Variants in ZNF595 observed in about 807,000 individuals in gnomAD.
The protein encoded by ZNF595 is zinc finger protein 595.
Under a neutral mutation model 19.4 loss-of-function variants are expected in ZNF595, and 9 were observed. The observed-to-expected ratio is 0.46, with a 90% confidence interval of 0.28 to 0.81. The LOEUF is 0.81. Ranked by LOEUF, ZNF595 falls within the 30% of genes least tolerant of loss-of-function variation. The probability of loss-of-function intolerance (pLI) is 0.11; values close to 1 mark genes in which losing one functional copy is unlikely to be tolerated. For missense variants in ZNF595, 729 were observed against 736.0 expected (o/e 0.99, Z 0.11); for synonymous variants, 255 against 255.9 (o/e 1.00, Z 0.03).
At chr4:85,106 G>T (rs1553800799) in intron 3 of ZNF595, among the ~76,000 whole-genome samples, 1 of 152,164 alleles carries the variant, frequency 6.6e-6, no homozygotes, top group African/African-American at 2.4e-5. Context: ...CATGTTCTAA[G>T]GATGTGTCTT....
chr4:84,529 C>T (rs925965196), intron 3 of ZNF595, among the ~76,000 whole-genome samples: 1 of 152,104 alleles, frequency 6.6e-6, no homozygotes, highest in African/African-American at 2.4e-5. Flanking sequence ...TATCACAATT[C>T]CCTCTTGTCT....
At chr4:75,342 C>T (rs1041200691) in intron 3 of ZNF595, among the ~76,000 whole-genome samples, 1 of 152,226 alleles carries the variant, frequency 6.6e-6, no homozygotes, top group Non-Finnish European at 1.5e-5. Flanking sequence ...GAGAATCATA[C>T]TTCCACATCA....
Position 85,818 on chromosome 4 carries a change from A to G in ZNF595, c.314A>G (p.Lys105Arg), listed in dbSNP as rs1553801003. Residue 105 changes from lysine to arginine, a missense_variant, in exon 4 of 4, where the codon AAA becomes AGA. Lys to Arg is a conservative substitution (Grantham distance 26). Coordinates refer to ENST00000610261, the MANE Select transcript of ZNF595 (RefSeq NM_182524.4). ...FHKLILKRYE[K>R]CGHENLQLRK... ...AAACTTATACTGAAAAGATACGAGA[A>G]ATGTGGACATGAGAATTTACAATTA... 3.1e-6 allele frequency: 5 copies of G among 1,613,982 alleles called. No homozygotes were observed. Among genetic ancestry groups the G allele is most frequent in the Middle Eastern group, 1.7e-4 (1 of 6,060 alleles).
intron 3 of ZNF595, among the ~76,000 whole-genome samples, chr4:80,573 G>A (rs926262539): frequency 8.6e-5 from 13 of 152,024 alleles, no homozygotes; most frequent in East Asian, 1.9e-4. Context: ...GAGAGTCAGC[G>A]AAGGGAGATA....
At chr4:75,682 G>C (rs1713628644) in intron 3 of ZNF595, among the ~76,000 whole-genome samples, 1 of 151,990 alleles carries the variant, frequency 6.6e-6, no homozygotes, top group Non-Finnish European at 1.5e-5. Context: ...CCATTTAGTA[G>C]TTTCTGTTTT....
At chr4:66,238 C>T (rs1341102176) in intron 3 of ZNF595, among the ~76,000 whole-genome samples, 17 of 151,038 alleles carry the variant, frequency 1.1e-4, no homozygotes, top group African/African-American at 3.9e-4. Flanking sequence ...TTTTTCTTTA[C>T]ATTTTTCTAA....
intron 3 of ZNF595, among the ~76,000 whole-genome samples, chr4:69,633 G>A (rs1302000259): frequency 1.3e-5 from 2 of 151,970 alleles, no homozygotes; most frequent in Non-Finnish European, 2.9e-5. Context: ...TACGTATTCT[G>A]GTTGTTCCTT....
chr4:80,004 G>A lies in ZNF595; in HGVS notation c.227-5727G>A, dbSNP rs1400329389. 2.6e-5 allele frequency among the ~76,000 whole-genome samples: 4 copies of A among 152,124 alleles called. No homozygotes were observed. The East Asian group carries it at 7.7e-4, about 29-fold the overall frequency. On this transcript the variant is annotated intron_variant, in intron 3 of 3. Transcript: ENST00000610261. ...TGTGAATGGTGTGGATGCAGAAGCA[G>A]CATTGGGCAAAATTGAATATGTCTT...
chr4:77,504 C>T (rs1480997753), intron 3 of ZNF595, among the ~76,000 whole-genome samples: 9 of 152,070 alleles, frequency 5.9e-5, no homozygotes, highest in Non-Finnish European at 1.3e-4. Context: ...TTTTGATGTC[C>T]TTGCATCTGA....
intron 3 of ZNF595, among the ~76,000 whole-genome samples, chr4:72,220 C>G (rs1713460998): frequency 1.3e-5 from 2 of 152,014 alleles, no homozygotes; most frequent in South Asian, 4.1e-4. Flanking sequence ...TTAAAAAAAT[C>G]TAGTGATGTA....
At chr4:74,124 A>G (rs942505898) in intron 3 of ZNF595, among the ~76,000 whole-genome samples, 1 of 152,078 alleles carries the variant, frequency 6.6e-6, no homozygotes, top group Non-Finnish European at 1.5e-5. Context: ...CCTGGGCAAT[A>G]TGGTGAAATC....
intron 3 of ZNF595, among the ~76,000 whole-genome samples, chr4:81,785 G>A (rs371248123): frequency 1.3e-5 from 2 of 152,078 alleles, no homozygotes; most frequent in Non-Finnish European, 2.9e-5. Context: ...GATTCATACA[G>A]TTTCTCTTCA....
chr4:75,813 G>GTT (rs75823121), intron 3 of ZNF595, among the ~76,000 whole-genome samples: 7 of 131,180 alleles, frequency 5.3e-5, no homozygotes, highest in African/African-American at 1.1e-4. Context: ...TTTTTTGGTT[G>GTT]TTTTTTTTTT....
rs190137427 is a variant in ZNF595, at chr4:82,829, A to T, written c.227-2902A>T. On this transcript the variant is annotated intron_variant, in intron 3 of 3. Coordinates refer to ENST00000610261, the MANE Select transcript of ZNF595 (RefSeq NM_182524.4). The stretch of plus-strand genomic sequence containing the variant: ...AAGGAGAATATTTTATGAGCTATTC[A>T]GATGGGTATGTATTCTGCTTTTGTT... Among the ~76,000 whole-genome samples, 462 of 152,294 alleles carry T rather than the reference A, an allele frequency of 3.0e-3. 3 individuals are homozygous for T. Among genetic ancestry groups the T allele is most frequent in the Non-Finnish European group, 3.1e-3 (208 of 68,004 alleles).
Position 86,547 on chromosome 4 carries a change from C to G in ZNF595, c.1043C>G (p.Ala348Gly). 3 of 1,613,824 alleles carry G rather than the reference C, an allele frequency of 1.9e-6. No homozygotes were observed. Among genetic ancestry groups the G allele is most frequent in the Admixed American group, 1.7e-5 (1 of 59,996 alleles). Residue 348 changes from alanine (A) to glycine (G), a missense_variant, in exon 4 of 4, where the codon GCT (alanine) becomes GGT (glycine). Transcript: ENST00000610261. ...KPYTCEKCGK[A>G]FNQSSSLIIH... Reference sequence around the variant, plus strand: ...TACACATGTGAAAAATGTGGCAAAGCTTTTAACCAATCCTCAAGTCTTATT... The same window carrying G: ...TACACATGTGAAAAATGTGGCAAAGGTTTTAACCAATCCTCAAGTCTTATT...
rs148652224 is a variant in ZNF595 at position 86,386 on chromosome 4, A to G, written c.882A>G (p.Arg294=). 5.8e-4 allele frequency: 928 copies of G among 1,612,768 alleles called. 8 individuals are homozygous for G. The Middle Eastern group carries it at 0.01, about 18-fold the overall frequency. ...GTAAAGAATGTGGCAAAGCCTTTAGATGGTCCACAAGCCTGAATGAACATA... is the reference window on the plus strand; with the variant it reads ...GTAAAGAATGTGGCAAAGCCTTTAGGTGGTCCACAAGCCTGAATGAACATA... The part of the protein sequence containing the change: ...YKCKECGKAF[R]WSTSLNEHKN... The change falls in exon 4 of 4, where the codon AGA becomes AGG. Residue 294 remains arginine, a synonymous_variant. Transcript: ENST00000610261.
rs781928394 is a variant in ZNF595, at chr4:86,275, A to C, written c.771A>C (p.Lys257Asn). ...TTCATACTGGAGAGAAACCCTACAA[A>C]TGTGAAGAATGTGGCAAAGCCTTTA... ...KKIHTGEKPYKCEECGKAFTR... is the reference protein window; with the variant it reads ...KKIHTGEKPYNCEECGKAFTR... Residue 257 changes from lysine to asparagine, a missense_variant, in exon 4 of 4, where the codon AAA becomes AAC. Physicochemically the swap from Lys to Asn is moderately conservative, Grantham distance 94 (BLOSUM62 0). Transcript: ENST00000610261. The C allele has an allele frequency of 3.1e-6, 5 of 1,611,906 alleles. No individual in the cohort carries two copies. The highest frequency in any genetic ancestry group is 4.2e-6 in the Non-Finnish European group (5 of 1,178,214).
At chr4:61,134 C>T (rs1581322835) in intron 3 of ZNF595, among the ~76,000 whole-genome samples, 1 of 152,376 alleles carries the variant, frequency 6.6e-6, no homozygotes, top group Admixed American at 6.5e-5. Flanking sequence ...ATCTACTCAC[C>T]TTCTAGATTT....
chr4:65,197 C>T (rs1581329566), intron 3 of ZNF595, among the ~76,000 whole-genome samples: 2 of 136,296 alleles, frequency 1.5e-5, no homozygotes, highest in East Asian at 2.2e-4. Context: ...GTCTGTGGGC[C>T]CTTGAGTTGG....
Sources: allele counts gnomAD v4.1 joint callset (sites outside exome capture counted in the v4.1 genomes callset), GRCh38; gene constraint gnomAD v4.1.1; transcripts MANE v1.5; gene names NCBI Gene and HGNC (gene_info 2026-07-23, HGNC 2026-07-21).